Variants in MPDZ observed in about 807,000 individuals in gnomAD.
MPDZ encodes multiple PDZ domain crumbs cell polarity complex component.
MPDZ carries 234 observed loss-of-function variants against 239.1 expected under a neutral mutation model. The observed-to-expected ratio is 0.98, with a 90% CI of 0.88 to 1.09. MPDZ has a LOEUF of 1.09. Ranked by LOEUF, MPDZ falls within the 50% of genes least tolerant of loss-of-function variation. The probability of loss-of-function intolerance (pLI) is 0.00; values close to 1 mark genes in which losing one functional copy is unlikely to be tolerated. For synonymous variants in MPDZ, 1,048 were observed against 881.3 expected, an observed-to-expected ratio of 1.19 and a Z score of -3.35; for missense variants, 3,175 against 2,510.0, an observed-to-expected ratio of 1.26 and a Z score of -5.66.
intron 24 of MPDZ, among the ~76,000 whole-genome samples, chr9:13,152,513 G>C (rs1229279827): frequency 6.6e-6 from 1 of 152,054 alleles, no homozygotes; most frequent in South Asian, 2.1e-4. Context: ...CACCATGTGA[G>C]ATGTGTCTTT....
At chr9:13,230,332 T>C (rs1001038934) in intron 3 of MPDZ, among the ~76,000 whole-genome samples, 18 of 152,144 alleles carry the variant, frequency 1.2e-4, no homozygotes, top group African/African-American at 4.3e-4. Flanking sequence ...AAAACCTAGG[T>C]CCACACAAAA....
chr9:13,268,965 C>T (rs2139162669), intron 1 of MPDZ, among the ~76,000 whole-genome samples: 1 of 152,004 alleles, frequency 6.6e-6, no homozygotes, highest in South Asian at 2.1e-4. Flanking sequence ...GTAAATATTC[C>T]ACCAAAGAGG....
intron 22 of MPDZ, among the ~76,000 whole-genome samples, chr9:13,168,112 G>A (rs1296374854): frequency 1.3e-5 from 2 of 152,050 alleles, no homozygotes; most frequent in African/African-American, 4.8e-5. Flanking sequence ...TTCTATGGTT[G>A]TTGTAGAAAT....
intron 40 of MPDZ, among the ~76,000 whole-genome samples, chr9:13,114,751 T>C (rs1943103921): frequency 1.3e-5 from 2 of 151,728 alleles, no homozygotes; most frequent in African/African-American, 2.4e-5. Flanking sequence ...AATACAAAAA[T>C]TAGCCAGGCA....
intron 15 of MPDZ, 64 bp downstream of exon 15, chr9:13,192,060 TTAAAAAA>T: frequency 7.7e-7 from 1 of 1,296,148 alleles, no homozygotes; most frequent in Non-Finnish European, 1.0e-6. Flanking sequence ...TGAAAAATGC[TTAAAAAA>T]TTTTAAGCCA....
At chr9:13,113,170 G>C in intron 41 of MPDZ, 116 bp from the exon 42 acceptor site, 1 of 854,274 alleles carries the variant, frequency 1.2e-6, no homozygotes, top group Non-Finnish European at 1.8e-6. Flanking sequence ...TTTTTTTAAG[G>C]GGGTGCTCAA....
At chr9:13,178,788 G>C (rs913388971) in intron 19 of MPDZ, among the ~76,000 whole-genome samples, 1 of 152,122 alleles carries the variant, frequency 6.6e-6, no homozygotes, top group Non-Finnish European at 1.5e-5. Flanking sequence ...TTGTCTTTTA[G>C]TTTGTACAGG....
chr9:13,186,824 A>C (rs2134709726), intron 17 of MPDZ, among the ~76,000 whole-genome samples: 1 of 152,312 alleles, frequency 6.6e-6, no homozygotes, highest in Admixed American at 6.5e-5. Context: ...TATTAAAAAG[A>C]AATATCAACT....
At chr9:13,176,485 T>A in intron 19 of MPDZ, 68 bp from the exon 20 acceptor site, 1 of 1,226,284 alleles carries the variant, frequency 8.2e-7, no homozygotes, top group Non-Finnish European at 1.1e-6. Context: ...ATATATAACA[T>A]CACTTCTTAA....
intron 22 of MPDZ, among the ~76,000 whole-genome samples, chr9:13,163,614 T>C (rs937866815): frequency 6.6e-6 from 1 of 152,118 alleles, no homozygotes; most frequent in Non-Finnish European, 1.5e-5. Context: ...AGTAAACTGT[T>C]TCAAGATCTT....
intron 11 of MPDZ, 66 bp downstream of exon 11, chr9:13,205,850 T>C (rs557246671): frequency 2.9e-6 from 4 of 1,391,592 alleles, no homozygotes; most frequent in South Asian, 3.3e-5. Context: ...TAAGTTACTT[T>C]GGAATTTAAA....
At chr9:13,161,175 G>C (rs963626783) in intron 23 of MPDZ, among the ~76,000 whole-genome samples, 2 of 151,746 alleles carry the variant, frequency 1.3e-5, no homozygotes, top group Non-Finnish European at 2.9e-5. Flanking sequence ...GTATTCTGTA[G>C]TCATCTGTAA....
intron 44 of MPDZ, among the ~76,000 whole-genome samples, chr9:13,110,378 C>T (rs76003488): frequency 6.6e-6 from 1 of 152,092 alleles, no homozygotes; most frequent in South Asian, 2.1e-4. Flanking sequence ...CTTAAAATTC[C>T]AGCAAATAAT....
At chr9:13,199,439 C>G (rs1956116353) in intron 12 of MPDZ, among the ~76,000 whole-genome samples, 2 of 151,984 alleles carry the variant, frequency 1.3e-5, no homozygotes, top group African/African-American at 4.8e-5. Context: ...ATCATTTTAT[C>G]TGCAAATAAG....
intron 39 of MPDZ, among the ~76,000 whole-genome samples, chr9:13,117,053 TA>T (rs757083837): frequency 1.1e-4 from 17 of 152,136 alleles, no homozygotes; most frequent in Non-Finnish European, 2.2e-4. Flanking sequence ...ATATAAGGTT[TA>T]ATTTATAAAC....
Position 13,138,100 on chromosome 9 carries a change from G to A in MPDZ, c.4057C>T (p.Leu1353=), listed in dbSNP as rs563333580. Residue 1353 remains leucine, a synonymous_variant, in exon 29 of 47, where the codon CTG becomes TTG. Coordinates refer to ENST00000319217, the MANE Select transcript of MPDZ (RefSeq NM_001378778.1). ...CCCAAACCACTATGACCTTTCTCCA[G>A]TTCAATCATATGCAGCTCGCCTGTT... ...TLTGELHMIE[L]EKGHSGLGLS... 6 of 1,611,956 alleles carry A rather than the reference G, an allele frequency of 3.7e-6. No individual in the cohort carries two copies. In the Admixed American group the frequency reaches 6.7e-5, roughly 18 times the overall value.
intron 19 of MPDZ, among the ~76,000 whole-genome samples, chr9:13,177,889 T>C (rs1380874084): frequency 6.6e-6 from 1 of 152,220 alleles, no homozygotes; most frequent in Non-Finnish European, 1.5e-5. Flanking sequence ...GTTATTTATA[T>C]TCTACATCTT....
At chr9:13,112,753 G>C (rs1489582696) in intron 42 of MPDZ, among the ~76,000 whole-genome samples, 2 of 152,132 alleles carry the variant, frequency 1.3e-5, no homozygotes, top group African/African-American at 2.4e-5. Context: ...AGAAGTGAGA[G>C]GCATGGTATT....
chr9:13,211,645 G>C (rs966375403), intron 10 of MPDZ, among the ~76,000 whole-genome samples: 3 of 152,044 alleles, frequency 2.0e-5, no homozygotes, highest in Non-Finnish European at 4.4e-5. Context: ...AAGGTAGTAT[G>C]TAATAATCTG....
Sources: gnomAD v4.1 joint callset for allele counts (sites outside exome capture counted in the v4.1 genomes callset) on GRCh38, gnomAD v4.1.1 for gene constraint, MANE v1.5 for transcripts, NCBI Gene and HGNC (gene_info 2026-07-23, HGNC 2026-07-21) for gene names.